COQ8A: variants seen among roughly 807,000 people sequenced by gnomAD.
The protein encoded by COQ8A is atypical kinase COQ8A, mitochondrial.
Under a neutral mutation model 65.0 loss-of-function variants are expected in COQ8A, and 51 were observed. The ratio of observed to expected loss-of-function variants is 0.78; its 90% confidence interval spans 0.63 to 0.99. COQ8A has a LOEUF of 0.99. COQ8A is among the 50% of genes least tolerant of loss of function. The probability of loss-of-function intolerance (pLI) is 0.00; values close to 1 mark genes in which losing one functional copy is unlikely to be tolerated. For missense variants in COQ8A, 940 were observed against 875.0 expected (o/e 1.07, Z -0.94); for synonymous variants, 371 against 353.2 (o/e 1.05, Z -0.57).
intron 14 of COQ8A, 68 bp downstream of exon 14, chr1:226,985,408 A>AT: frequency 6.4e-7 from 1 of 1,568,304 alleles, no homozygotes; most frequent in Non-Finnish European, 8.8e-7. Flanking sequence ...GTAAGAATGG[A>AT]TGAAAGCACA....
chr1:226,967,291 A>G (rs1460207999), intron 4 of COQ8A, among the ~76,000 whole-genome samples: 1 of 152,126 alleles, frequency 6.6e-6, no homozygotes, highest in African/African-American at 2.4e-5. Context: ...TCCCCATGAT[A>G]TTGAGGGCAG....
intron 2 of COQ8A, 28 bp from the exon 3 acceptor site, chr1:226,964,971 CT>C: frequency 1.2e-6 from 2 of 1,612,910 alleles, no homozygotes; most frequent in Non-Finnish European, 1.7e-6. Flanking sequence ...CGCTCTTGCT[CT>C]CCTAATGCTG....
chr1:226,944,122 G>A (rs1452904200), intron 1 of COQ8A, among the ~76,000 whole-genome samples: 3 of 152,042 alleles, frequency 2.0e-5, no homozygotes, highest in East Asian at 1.9e-4. Context: ...CAGAGAGGAG[G>A]GAGGAGGGAG....
intron 1 of COQ8A, among the ~76,000 whole-genome samples, chr1:226,960,339 TTGGTGGTGG>T (rs1317292376): frequency 7.1e-4 from 48 of 67,890 alleles, no homozygotes; most frequent in Middle Eastern, 8.1e-3. Flanking sequence ...TCAGTGGTAC[TTGGTGGTGG>T]TGGTGGTGGT....
chr1:226,958,760 G>C (rs73087619), intron 1 of COQ8A, among the ~76,000 whole-genome samples: 1 of 152,178 alleles, frequency 6.6e-6, no homozygotes, highest in Non-Finnish European at 1.5e-5. Flanking sequence ...AGAGCAGGCA[G>C]GCACACGGAG....
intron 4 of COQ8A, among the ~76,000 whole-genome samples, chr1:226,975,750 G>A (rs1659156789): frequency 6.6e-6 from 1 of 152,296 alleles, no homozygotes; most frequent in East Asian, 1.9e-4. Context: ...ACGCCCGCAC[G>A]ACAGCCTGTG....
At chr1:226,978,498 C>G (rs1165149087) in intron 5 of COQ8A, among the ~76,000 whole-genome samples, 1 of 147,568 alleles carries the variant, frequency 6.8e-6, no homozygotes, top group African/African-American at 2.5e-5. Context: ...CCTTACACAT[C>G]CTCCACACAC....
chr1:226,981,913 T>G, intron 5 of COQ8A, 114 bp from the exon 6 acceptor site: 2 of 1,511,788 alleles, frequency 1.3e-6, no homozygotes, highest in Non-Finnish European at 1.8e-6. Context: ...GCTGGTTTTA[T>G]GGACGCCTGG....
rs1659891296 is a variant in COQ8A, at chr1:226,983,971, T to C, written c.1256+117T>C. The C allele has an allele frequency of 2.0e-6, 3 of 1,501,078 alleles. No homozygotes were observed. In the East Asian group the frequency reaches 7.9e-5, roughly 40 times the overall value. 93.0% of individuals were successfully genotyped at this position (1,501,078 alleles called of 1,614,324 possible). ...GGGGCAGAGGGCTGGGGTTGCAGCC[T>C]GGGCCGAGGCCATATCCTGCCTGGG... On this transcript the variant is annotated intron_variant, in intron 10 of 14. Coordinates refer to ENST00000366777, the MANE Select transcript of COQ8A (RefSeq NM_020247.5).
chr1:226,983,328 C>G, intron 8 of COQ8A: 2 of 662,246 alleles, frequency 3.0e-6, no homozygotes, highest in South Asian at 3.6e-5. Context: ...GGAGGGTGGC[C>G]GTGAGCTGTT....
chr1:226,977,635 C>A, intron 5 of COQ8A, 112 bp downstream of exon 5: 2 of 1,202,490 alleles, frequency 1.7e-6, no homozygotes, highest in Non-Finnish European at 2.4e-6. Context: ...GCCGCATTTG[C>A]ATGGGGTTCC....
chr1:226,985,732 G>T (rs527962955), intron 14 of COQ8A, among the ~76,000 whole-genome samples: 9 of 152,206 alleles, frequency 5.9e-5, no homozygotes, highest in Non-Finnish European at 1.3e-4. Context: ...AACGGTCTGT[G>T]CTGGTGCCGC....
chr1:226,950,345 A>G (rs1657301517), intron 1 of COQ8A, among the ~76,000 whole-genome samples: 1 of 152,214 alleles, frequency 6.6e-6, no homozygotes, highest in African/African-American at 2.4e-5. Context: ...GAATATCTTA[A>G]TCTTCCAATG....
intron 8 of COQ8A, 104 bp downstream of exon 8, chr1:226,983,138 C>A: frequency 6.8e-7 from 1 of 1,462,912 alleles, no homozygotes; most frequent in South Asian, 1.4e-5. Flanking sequence ...GCAGGGCACC[C>A]TCTCTCCTGG....
At chr1:226,965,779 C>T in intron 4 of COQ8A, 42 bp downstream of exon 4, 1 of 1,583,372 alleles carries the variant, frequency 6.3e-7, no homozygotes, top group Non-Finnish European at 8.7e-7. Context: ...ACCTGCCCTG[C>T]CTGGGCACCA....
intron 1 of COQ8A, among the ~76,000 whole-genome samples, 170 bp from the exon 2 acceptor site, chr1:226,961,207 G>T (rs1261394959): frequency 6.6e-6 from 1 of 152,216 alleles, no homozygotes; most frequent in Non-Finnish European, 1.5e-5. Context: ...CCAGAGTCAC[G>T]TGGAGCCTCC....
chr1:226,973,864 G>A (rs1308233519), intron 4 of COQ8A, among the ~76,000 whole-genome samples: 1 of 152,212 alleles, frequency 6.6e-6, no homozygotes, highest in African/African-American at 2.4e-5. Flanking sequence ...CTGGTTTATA[G>A]TTTGCTGCTG....
At position 226,977,451 on chromosome 1, in the gene COQ8A, C is replaced by T. The variant is rs1659308113; in HGVS notation, c.658C>T (p.Leu220=). 1.9e-6 allele frequency: 3 copies of T among 1,561,790 alleles called. No individual in the cohort carries two copies. Among genetic ancestry groups the T allele is most frequent in the Non-Finnish European group, 2.6e-6 (3 of 1,153,166 alleles). Residue 220 remains leucine (L), a splice_region_variant and synonymous_variant, in exon 5 of 15, where the codon CTG becomes TTG. Coordinates refer to ENST00000366777, the MANE Select transcript of COQ8A (RefSeq NM_020247.5). ...TGCCCGCCCCCTCCTCCTTGCAGGTCTGGCCGTGGGCCTGGGCTTCGGGGC... is the reference window on the plus strand; with the variant it reads ...TGCCCGCCCCCTCCTCCTTGCAGGTTTGGCCGTGGGCCTGGGCTTCGGGGC... The part of the protein sequence containing the change: ...RIGRLANFGG[L]AVGLGFGALA...
rs774789966 is a variant in COQ8A, at chr1:226,986,602, C to T, written c.1809C>T (p.Pro603=). Residue 603 remains proline, a synonymous_variant, in exon 15 of 15, where the codon CCC becomes CCT. Coordinates refer to ENST00000366777, the MANE Select transcript of COQ8A (RefSeq NM_020247.5). Reference sequence around the variant, plus strand: ...TGAGGCACCGTCTCGTCCCCCCACCCGAGGAAACCTACTCCCTGCACAGGA... The same window carrying T: ...TGAGGCACCGTCTCGTCCCCCCACCTGAGGAAACCTACTCCCTGCACAGGA... The part of the protein sequence containing the change: ...VMLRHRLVPP[P]EETYSLHRKM... 1.0e-4 allele frequency: 168 copies of T among 1,613,862 alleles called. No homozygotes were observed. Among genetic ancestry groups the T allele is most frequent in the Non-Finnish European group, 1.4e-4 (162 of 1,180,012 alleles).
Sources: allele counts gnomAD v4.1 joint callset (sites outside exome capture counted in the v4.1 genomes callset), GRCh38; gene constraint gnomAD v4.1.1; transcripts MANE v1.5; gene names NCBI Gene and HGNC (gene_info 2026-07-23, HGNC 2026-07-21).